PPP3CA: variants seen among roughly 807,000 people sequenced by gnomAD.
The protein encoded by PPP3CA is CAM-PRP catalytic subunit.
Under a neutral mutation model 66.5 loss-of-function variants are expected in PPP3CA, and 14 were observed. That is an observed-to-expected ratio of 0.21 (90% confidence interval 0.14 to 0.33). PPP3CA has a LOEUF of 0.33. Among genes scored for constraint, PPP3CA ranks in the 10% least tolerant of loss-of-function variants. PPP3CA has a pLI of 1.00. For missense variants in PPP3CA, 317 were observed against 639.5 expected, an observed-to-expected ratio of 0.50 and a Z score of 5.44; for synonymous variants, 232 against 226.2, an observed-to-expected ratio of 1.03 and a Z score of -0.23.
intron 2 of PPP3CA, among the ~76,000 whole-genome samples, chr4:101,140,427 G>C (rs1468223566): frequency 6.6e-6 from 1 of 152,138 alleles, no homozygotes; most frequent in Non-Finnish European, 1.5e-5. Context: ...GTAATGACAG[G>C]GAAGTGCTGG....
intron 2 of PPP3CA, among the ~76,000 whole-genome samples, chr4:101,124,725 GAGAAAGAAAGAAAGAAAGAAAGAA>G (rs756619477): frequency 3.5e-3 from 204 of 58,732 alleles, no homozygotes; most frequent in South Asian, 9.0e-3. Flanking sequence ...AAGAAAGAAA[GAGAAAGAAAGAAAGAAAGAAAGAA>G]AGAAAGAAAG....
intron 2 of PPP3CA, among the ~76,000 whole-genome samples, chr4:101,188,983 A>G (rs1341284142): frequency 2.6e-5 from 4 of 152,166 alleles, no homozygotes; most frequent in South Asian, 4.1e-4. Flanking sequence ...AAAAATTTAT[A>G]TTCTTTTTAT....
At chr4:101,173,310 G>A (rs1341605338) in intron 2 of PPP3CA, among the ~76,000 whole-genome samples, 1 of 152,078 alleles carries the variant, frequency 6.6e-6, no homozygotes, top group African/African-American at 2.4e-5. Context: ...CCTGTGGTAA[G>A]AGAGAGGCTG....
intron 1 of PPP3CA, among the ~76,000 whole-genome samples, chr4:101,340,367 C>T (rs894710757): frequency 6.6e-6 from 1 of 152,096 alleles, no homozygotes; most frequent in African/African-American, 2.4e-5. Context: ...TACCTGAATT[C>T]CAAAAACATA....
chr4:101,281,931 G>T (rs1390447435), intron 1 of PPP3CA, among the ~76,000 whole-genome samples: 1 of 152,104 alleles, frequency 6.6e-6, no homozygotes, highest in African/African-American at 2.4e-5. Context: ...AGAAGAATCT[G>T]CATTCAACAT....
intron 1 of PPP3CA, among the ~76,000 whole-genome samples, chr4:101,344,628 T>C (rs1372243): frequency 0.1 from 15,709 of 152,238 alleles, 2,767 homozygotes; most frequent in African/African-American, 0.36. Context: ...AAGTCATTTA[T>C]AATGGTACAG....
intron 2 of PPP3CA, among the ~76,000 whole-genome samples, chr4:101,164,042 G>A (rs1466906312): frequency 2.3e-4 from 3 of 12,958 alleles, no homozygotes; most frequent in Admixed American, 7.8e-4. Context: ...GTGCAGTGGT[G>A]TAATCATAAC....
chr4:101,132,280 C>T (rs183389066), intron 2 of PPP3CA, among the ~76,000 whole-genome samples: 1 of 151,844 alleles, frequency 6.6e-6, no homozygotes, highest in Non-Finnish European at 1.5e-5. Context: ...CATAGAGACA[C>T]AAAAAAACCT....
chr4:101,227,607 GGTTT>G (rs1264507867), intron 1 of PPP3CA, among the ~76,000 whole-genome samples: 2 of 151,450 alleles, frequency 1.3e-5, no homozygotes, highest in Non-Finnish European at 3.0e-5. Context: ...TACATGTGTA[GGTTT>G]GTTATACAGA....
intron 5 of PPP3CA, among the ~76,000 whole-genome samples, chr4:101,096,023 C>T (rs892149388): frequency 6.6e-6 from 1 of 152,084 alleles, no homozygotes; most frequent in African/African-American, 2.4e-5. Context: ...AAGACCAATG[C>T]TCTATGCTCT....
intron 2 of PPP3CA, among the ~76,000 whole-genome samples, chr4:101,134,154 C>G (rs1290286398): frequency 6.6e-6 from 1 of 152,102 alleles, no homozygotes; most frequent in Non-Finnish European, 1.5e-5. Flanking sequence ...TAGAAGAAAA[C>G]CTAGGCAATA....
At chr4:101,061,734 A>G (rs1728471042) in intron 9 of PPP3CA, among the ~76,000 whole-genome samples, 1 of 152,128 alleles carries the variant, frequency 6.6e-6, no homozygotes, top group Non-Finnish European at 1.5e-5. Context: ...TTAAAAAATT[A>G]AACAGTTGCA....
chr4:101,206,667 C>G (rs915067990), intron 1 of PPP3CA, among the ~76,000 whole-genome samples: 4 of 152,154 alleles, frequency 2.6e-5, no homozygotes, highest in African/African-American at 9.7e-5. Flanking sequence ...AATCAAGTCC[C>G]ATTGAGTGTC....
intron 1 of PPP3CA, among the ~76,000 whole-genome samples, chr4:101,286,018 T>C (rs1023689383): frequency 2.0e-5 from 3 of 152,204 alleles, no homozygotes; most frequent in Non-Finnish European, 4.4e-5. Flanking sequence ...AATTTTTTCA[T>C]GTACAAGGCG....
intron 1 of PPP3CA, among the ~76,000 whole-genome samples, chr4:101,262,940 A>G (rs1477526580): frequency 6.6e-6 from 1 of 152,148 alleles, no homozygotes; most frequent in Non-Finnish European, 1.5e-5. Flanking sequence ...GGAAGGAGGA[A>G]GGTGCAGAAG....
At chr4:101,258,351 A>T (rs1578602653) in intron 1 of PPP3CA, among the ~76,000 whole-genome samples, 1 of 152,172 alleles carries the variant, frequency 6.6e-6, no homozygotes, top group South Asian at 2.1e-4. Context: ...GAGCCAATGA[A>T]CCACTAGCAA....
chr4:101,190,545 TA>T (rs1724565763), intron 2 of PPP3CA, among the ~76,000 whole-genome samples: 1 of 152,192 alleles, frequency 6.6e-6, no homozygotes, highest in South Asian at 2.1e-4. Context: ...TACACACAAA[TA>T]CTGAATTACT....
intron 8 of PPP3CA, among the ~76,000 whole-genome samples, chr4:101,064,000 C>G (rs1336250693): frequency 6.6e-6 from 1 of 151,918 alleles, no homozygotes; most frequent in Non-Finnish European, 1.5e-5. Flanking sequence ...CTCCTTCCAG[C>G]TATTTGAAAT....
At chr4:101,147,056 G>A (rs943562389) in intron 2 of PPP3CA, among the ~76,000 whole-genome samples, 2 of 152,154 alleles carry the variant, frequency 1.3e-5, no homozygotes, top group African/African-American at 4.8e-5. Context: ...AATTAGAAGA[G>A]AAAAGCAGAT....
Sources: gnomAD v4.1 joint callset for allele counts (sites outside exome capture counted in the v4.1 genomes callset) on GRCh38, gnomAD v4.1.1 for gene constraint, MANE v1.5 for transcripts, NCBI Gene and HGNC (gene_info 2026-07-23, HGNC 2026-07-21) for gene names.